Variants in MTFR1 observed in about 807,000 individuals in gnomAD.
The protein encoded by MTFR1 is mitochondrial fission regulator 1, also known as chondrocyte protein with a poly-proline region.
In MTFR1, 28 loss-of-function variants were observed where a neutral mutation model predicts 38.8. The observed-to-expected ratio is 0.72, with a 90% CI of 0.53 to 0.99. MTFR1 has a LOEUF of 0.99. Ranked by LOEUF, MTFR1 falls within the 50% of genes least tolerant of loss-of-function variation. The pLI, the probability that MTFR1 is intolerant of heterozygous loss-of-function variation, is 0.00. For synonymous variants in MTFR1, 145 were observed against 137.0 expected (o/e 1.06, Z -0.41); for missense variants, 358 against 395.5 (o/e 0.91, Z 0.81).
At chr8:65,767,283 G>A (rs1808838133) in intron 3 of MTFR1, among the ~76,000 whole-genome samples, 1 of 152,172 alleles carries the variant, frequency 6.6e-6, no homozygotes, top group African/African-American at 2.4e-5. Flanking sequence ...AACGTTTATG[G>A]ATTAGTTGTC....
At chr8:65,775,660 C>T (rs1028802829), downstream of MTFR1, among the ~76,000 whole-genome samples, 1 of 152,234 alleles carries the variant, frequency 6.6e-6, no homozygotes, top group African/African-American at 2.4e-5. Flanking sequence ...CGAAGTCTCG[C>T]TCTGTAGCCA....
intron 2 of MTFR1, chr8:65,719,218 C>A: frequency 1.0e-6 from 1 of 1,002,306 alleles, no homozygotes; most frequent in Non-Finnish European, 1.6e-6. Flanking sequence ...GAGTTAAGTT[C>A]TCTCACCTCA....
At chr8:65,663,670 A>T (rs1465887314) in intron 1 of MTFR1, among the ~76,000 whole-genome samples, 1 of 151,982 alleles carries the variant, frequency 6.6e-6, no homozygotes, top group Non-Finnish European at 1.5e-5. Flanking sequence ...ACTGACAAAG[A>T]TGTAGAGTAC....
chr8:65,755,737 A>G (rs1003431836), intron 3 of MTFR1, among the ~76,000 whole-genome samples: 1 of 152,220 alleles, frequency 6.6e-6, no homozygotes, highest in East Asian at 1.9e-4. Context: ...TTATGGCTTT[A>G]GGTAACTGTT....
chr8:65,669,712 C>T (rs966957575), intron 1 of MTFR1, among the ~76,000 whole-genome samples, 161 bp from the exon 2 acceptor site: 7 of 152,096 alleles, frequency 4.6e-5, no homozygotes, highest in South Asian at 2.1e-4. Context: ...CCGCCACGCC[C>T]GGCTAATTTT....
chr8:65,690,257 G>A (rs1036121071), intron 3 of MTFR1, among the ~76,000 whole-genome samples: 1 of 152,040 alleles, frequency 6.6e-6, no homozygotes, highest in Non-Finnish European at 1.5e-5. Flanking sequence ...AGTACTGGCT[G>A]GGCGTGGTGG....
chr8:65,658,797 C>T (rs1187836386), intron 1 of MTFR1, among the ~76,000 whole-genome samples: 4 of 152,060 alleles, frequency 2.6e-5, no homozygotes, highest in African/African-American at 9.7e-5. Context: ...TAATGACCAC[C>T]CAGGTTAAGA....
chr8:65,735,497 G>A (rs1807092683), intron 3 of MTFR1, among the ~76,000 whole-genome samples: 2 of 152,054 alleles, frequency 1.3e-5, no homozygotes, highest in Non-Finnish European at 2.9e-5. Flanking sequence ...TTTTTATAAA[G>A]ACAGGATCTT....
downstream of MTFR1, among the ~76,000 whole-genome samples, chr8:65,773,494 T>C (rs995145053): frequency 1.3e-5 from 2 of 152,166 alleles, no homozygotes; most frequent in African/African-American, 2.4e-5. Flanking sequence ...CTACAAAGCT[T>C]CCACATCACT....
chr8:65,754,880 G>C (rs1259313751), intron 3 of MTFR1, among the ~76,000 whole-genome samples: 1 of 149,476 alleles, frequency 6.7e-6, no homozygotes, highest in Non-Finnish European at 1.5e-5. Flanking sequence ...CAGGAGAATC[G>C]CCTGAACCCG....
At chr8:65,662,064 T>TCCCTCTCTCTCG (rs1809439616) in intron 1 of MTFR1, among the ~76,000 whole-genome samples, 1 of 67,680 alleles carries the variant, frequency 1.5e-5, no homozygotes, top group South Asian at 4.5e-4. Flanking sequence ...CCTCTCTCTC[T>TCCCTCTCTCTCG]CCCTCTCTTT....
intron 3 of MTFR1, among the ~76,000 whole-genome samples, chr8:65,732,272 T>G (rs1234659332): frequency 2.0e-5 from 3 of 152,160 alleles, no homozygotes; most frequent in Non-Finnish European, 2.9e-5. Context: ...ATGCTGGGAT[T>G]ACAGGCGTGA....
At chr8:65,753,655 G>A (rs1287865332) in intron 3 of MTFR1, among the ~76,000 whole-genome samples, 1 of 152,146 alleles carries the variant, frequency 6.6e-6, no homozygotes, top group Non-Finnish European at 1.5e-5. Context: ...GGATTATAGT[G>A]TTGCTCAGGT....
At chr8:65,766,192 C>G (rs1231372744) in intron 3 of MTFR1, among the ~76,000 whole-genome samples, 1 of 152,114 alleles carries the variant, frequency 6.6e-6, no homozygotes, top group Non-Finnish European at 1.5e-5. Context: ...GTGATCCACC[C>G]GCCTTGGCCT....
Position 65,677,391 on chromosome 8 carries a change from T to C in MTFR1, c.67-4962T>C, listed in dbSNP as rs539619258. Among the ~76,000 whole-genome samples, 137 of 148,746 alleles carry C rather than the reference T, an allele frequency of 9.2e-4. No homozygotes were observed. In the Middle Eastern group the frequency reaches 0.011, roughly 12 times the overall value. On this transcript the variant is annotated intron_variant, in intron 2 of 7. Transcript: ENST00000262146. ...GGCCCTGTTTAGCTGTTTCTTTTTT[T>C]TTTTTTTTTTTGAGACGGAGTCTTG...
intron 4 of MTFR1, among the ~76,000 whole-genome samples, chr8:65,700,983 G>A (rs1407024580): frequency 1.3e-5 from 2 of 152,156 alleles, no homozygotes; most frequent in Non-Finnish European, 2.9e-5. Context: ...TCTGCCCTAT[G>A]TTTATTTTAT....
At chr8:65,698,408 G>T (rs915815091) in intron 4 of MTFR1, among the ~76,000 whole-genome samples, 2 of 151,904 alleles carry the variant, frequency 1.3e-5, no homozygotes, top group East Asian at 3.9e-4. Flanking sequence ...CCAAAGTGCT[G>T]GGATTACAGG....
intron 3 of MTFR1, among the ~76,000 whole-genome samples, chr8:65,685,160 AT>A (rs944550150): frequency 1.1e-4 from 16 of 152,286 alleles, no homozygotes; most frequent in Admixed American, 3.9e-4. Context: ...TTGAAAATGC[AT>A]TTTTTTCCCC....
intron 3 of MTFR1, among the ~76,000 whole-genome samples, chr8:65,720,787 T>G (rs957754010): frequency 6.6e-6 from 1 of 152,218 alleles, no homozygotes; most frequent in Non-Finnish European, 1.5e-5. Flanking sequence ...AGTGTCATTA[T>G]AGTCAAAGCA....
Sources: gnomAD v4.1 joint callset for allele counts (sites outside exome capture counted in the v4.1 genomes callset) on GRCh38, gnomAD v4.1.1 for gene constraint, MANE v1.5 for transcripts, NCBI Gene and HGNC (gene_info 2026-07-23, HGNC 2026-07-21) for gene names.